The following ASIC2 variants were observed in gnomAD, a reference collection of about 807,000 sequenced individuals.
ASIC2 encodes acid-sensing ion channel 2.
In ASIC2, 25 loss-of-function variants were observed where a neutral mutation model predicts 57.3. The ratio of observed to expected loss-of-function variants is 0.44; its 90% confidence interval spans 0.32 to 0.61. ASIC2 has a LOEUF of 0.61. ASIC2 is among the 20% of genes least tolerant of loss of function. The pLI is 0.06. For synonymous variants in ASIC2, 319 were observed against 307.5 expected (o/e 1.04, Z -0.39); for missense variants, 641 against 738.1 (o/e 0.87, Z 1.52).
At chr17:33,762,117 C>A (rs377111521) in intron 1 of ASIC2, among the ~76,000 whole-genome samples, 1 of 152,122 alleles carries the variant, frequency 6.6e-6, no homozygotes, top group Non-Finnish European at 1.5e-5. Flanking sequence ...CAGACCCAAG[C>A]GAACTCAGCA....
At chr17:33,479,405 T>C (rs1015712314) in intron 1 of ASIC2, among the ~76,000 whole-genome samples, 1 of 152,214 alleles carries the variant, frequency 6.6e-6, no homozygotes, top group Non-Finnish European at 1.5e-5. Flanking sequence ...TTTTGGTGAA[T>C]GTTCTGGGTT....
chr17:33,421,856 A>G (rs1911056452), intron 1 of ASIC2, among the ~76,000 whole-genome samples: 2 of 152,100 alleles, frequency 1.3e-5, no homozygotes, highest in Admixed American at 6.6e-5. Context: ...GCCCTTGCCT[A>G]CCTTCCCAGT....
intron 1 of ASIC2, among the ~76,000 whole-genome samples, chr17:33,618,612 GC>G (rs1905680492): frequency 6.6e-6 from 1 of 152,154 alleles, no homozygotes; most frequent in African/African-American, 2.4e-5. Context: ...GTATCTGAAT[GC>G]TGCCACTTAC....
intron 1 of ASIC2, among the ~76,000 whole-genome samples, chr17:33,447,977 T>C (rs948592414): frequency 1.3e-5 from 2 of 149,938 alleles, no homozygotes; most frequent in Non-Finnish European, 3.0e-5. Context: ...AGTATACTGA[T>C]TTGATCTTCA....
At chr17:33,326,724 C>T (rs936269318) in intron 1 of ASIC2, among the ~76,000 whole-genome samples, 3 of 152,202 alleles carry the variant, frequency 2.0e-5, no homozygotes, top group African/African-American at 7.2e-5. Flanking sequence ...TTTCTTTATT[C>T]GTATTCAATT....
At chr17:33,729,309 CAG>C (rs1490021394) in intron 1 of ASIC2, among the ~76,000 whole-genome samples, 1 of 152,114 alleles carries the variant, frequency 6.6e-6, no homozygotes, top group African/African-American at 2.4e-5. Flanking sequence ...TGTGGAAACT[CAG>C]AGCGAGAACT....
intron 1 of ASIC2, among the ~76,000 whole-genome samples, chr17:33,653,411 A>G (rs74783395): frequency 5.3e-5 from 8 of 152,356 alleles, no homozygotes; most frequent in Non-Finnish European, 1.2e-4. Context: ...AACAATGTAT[A>G]ACACATCTAA....
At chr17:33,661,338 AAGG>A (rs1438757995) in intron 1 of ASIC2, among the ~76,000 whole-genome samples, 3 of 152,240 alleles carry the variant, frequency 2.0e-5, no homozygotes, top group African/African-American at 7.2e-5. Flanking sequence ...TGCATCGTGG[AAGG>A]AGCACTAAAC....
At chr17:33,338,084 A>G (rs1005848958) in intron 1 of ASIC2, among the ~76,000 whole-genome samples, 1 of 152,116 alleles carries the variant, frequency 6.6e-6, no homozygotes, top group Non-Finnish European at 1.5e-5. Flanking sequence ...CTGGCAGGGC[A>G]GGGAGGATGG....
intron 1 of ASIC2, among the ~76,000 whole-genome samples, chr17:33,132,785 T>C (rs1389291368): frequency 6.6e-6 from 1 of 152,190 alleles, no homozygotes; most frequent in African/African-American, 2.4e-5. Context: ...TTGTAGAGCT[T>C]GGCTCTGCCT....
intron 1 of ASIC2, among the ~76,000 whole-genome samples, chr17:33,371,675 A>C (rs1394395): frequency 0.29 from 44,134 of 150,714 alleles, 6,793 homozygotes; most frequent in East Asian, 0.67. Context: ...AAACACTCGC[A>C]AACTATAAAT....
chr17:33,156,374 C>T lies in ASIC2; in HGVS notation c.709-44307G>A, dbSNP rs544918171. 1.5e-3 allele frequency among the ~76,000 whole-genome samples: 222 copies of T among 152,128 alleles called. 2 individuals carry two copies. Among genetic ancestry groups the T allele is most frequent in the Middle Eastern group, 0.014 (4 of 294 alleles). On this transcript the variant is annotated intron_variant, in intron 1 of 9. Coordinates refer to ENST00000225823, the MANE Select transcript of ASIC2 (RefSeq NM_183377.2). ...AACTCCTGACCCTGTAATCCACCCACCTTGGCCTCCCAAAGTGCTAGGATT... is the reference window on the plus strand; with the variant it reads ...AACTCCTGACCCTGTAATCCACCCATCTTGGCCTCCCAAAGTGCTAGGATT...
At position 33,292,191 on chromosome 17, in the gene ASIC2, T is replaced by A; in HGVS notation, c.-76A>T. On this transcript the variant is annotated 5_prime_UTR_variant, in exon 1 of 10. Coordinates refer to ENST00000225823, the MANE Select transcript of ASIC2 (RefSeq NM_183377.2). ...CCGCCATGGGAGTCCGCAGCAGCAG[T>A]GGAAGCAGCAGCAGCGGCAGCCGCG... 3.0e-6 allele frequency: 3 copies of A among 1,009,012 alleles called. No individual in the cohort carries two copies. Among genetic ancestry groups the A allele is most frequent in the Non-Finnish European group, 3.5e-6 (3 of 847,692 alleles). 62.5% of individuals were successfully genotyped at this position (1,009,012 alleles called of 1,614,324 possible).
chr17:33,993,714 G>C (rs1220197714), intron 1 of ASIC2, among the ~76,000 whole-genome samples: 1 of 146,602 alleles, frequency 6.8e-6, no homozygotes, highest in Non-Finnish European at 1.5e-5. Flanking sequence ...TCATGTACTG[G>C]AAGTGGGAGA....
intron 1 of ASIC2, among the ~76,000 whole-genome samples, chr17:33,941,564 G>C (rs530736683): frequency 6.6e-6 from 1 of 152,312 alleles, no homozygotes; most frequent in Admixed American, 6.5e-5. Context: ...ATATCCAATG[G>C]AAGTAGATAG....
chr17:33,532,090 T>A (rs1238083321), intron 1 of ASIC2, among the ~76,000 whole-genome samples: 2 of 152,182 alleles, frequency 1.3e-5, no homozygotes, highest in Non-Finnish European at 2.9e-5. Flanking sequence ...TGTGGCTGGA[T>A]GCAGTGAGAG....
At chr17:33,235,501 A>G (rs1180395654) in intron 1 of ASIC2, among the ~76,000 whole-genome samples, 2 of 152,184 alleles carry the variant, frequency 1.3e-5, no homozygotes, top group Non-Finnish European at 2.9e-5. Flanking sequence ...GTATAAGTAC[A>G]AATTATTTAA....
intron 1 of ASIC2, among the ~76,000 whole-genome samples, chr17:33,663,103 T>A (rs897856542): frequency 2.6e-5 from 4 of 152,122 alleles, no homozygotes; most frequent in Non-Finnish European, 5.9e-5. Context: ...CATCAGTCAC[T>A]CAGGTTCACG....
rs145908983 is a variant in ASIC2, at chr17:33,809,189, TG to T, written c.555+346788del. On this transcript the variant is annotated intron_variant, in intron 1 of 9. Coordinates refer to the ASIC2 transcript ENST00000359872. ...GGCACTGTCCTCTGTGCACTGGCTTTGTCTGACTCATTGATCTGCCTCTAGG... is the reference window on the plus strand; with the variant it reads ...GGCACTGTCCTCTGTGCACTGGCTTTTCTGACTCATTGATCTGCCTCTAGG... Among the ~76,000 whole-genome samples, 895 of 152,340 alleles carry T rather than the reference TG, an allele frequency of 5.9e-3. 10 individuals carry two copies. Among genetic ancestry groups the T allele is most frequent in the African/African-American group, 0.02 (832 of 41,576 alleles).
Sources: gnomAD v4.1 joint callset for allele counts (sites outside exome capture counted in the v4.1 genomes callset) on GRCh38, gnomAD v4.1.1 for gene constraint, MANE v1.5 for transcripts, NCBI Gene and HGNC (gene_info 2026-07-23, HGNC 2026-07-21) for gene names.